NME7: variants seen among roughly 807,000 people sequenced by gnomAD.
NME7 encodes the protein NME/NM23 family member 7.
Under a neutral mutation model 49.1 loss-of-function variants are expected in NME7, and 41 were observed. The ratio of observed to expected loss-of-function variants is 0.83; its 90% CI spans 0.65 to 1.08. The LOEUF (loss-of-function observed/expected upper bound fraction) is 1.08. Among genes scored for constraint, NME7 ranks in the 50% least tolerant of loss-of-function variants. The probability of loss-of-function intolerance (pLI) is 0.00; values close to 1 mark genes in which losing one functional copy is unlikely to be tolerated. For synonymous variants in NME7, 139 were observed against 150.6 expected, an observed-to-expected ratio of 0.92 and a Z score of 0.56; for missense variants, 423 against 463.4, an observed-to-expected ratio of 0.91 and a Z score of 0.80.
At chr1:169,312,594 G>A (rs957441632) in intron 3 of NME7, among the ~76,000 whole-genome samples, 3 of 152,134 alleles carry the variant, frequency 2.0e-5, no homozygotes, top group Admixed American at 6.5e-5. Flanking sequence ...CAGCCTTCAC[G>A]AACCCAGAAT....
chr1:169,267,359 A>T, intron 7 of NME7, among the ~76,000 whole-genome samples: 1 of 133,990 alleles, frequency 7.5e-6, no homozygotes, highest in East Asian at 2.0e-4. Context: ...CAATTTACAG[A>T]TTCAATGCTA....
intron 10 of NME7, among the ~76,000 whole-genome samples, chr1:169,185,735 T>C (rs2101754747): frequency 6.6e-6 from 1 of 152,316 alleles, no homozygotes; most frequent in East Asian, 1.9e-4. Context: ...AGATCAGAAC[T>C]GTATTATTCC....
At chr1:169,274,643 A>G (rs1340677649) in intron 7 of NME7, among the ~76,000 whole-genome samples, 1 of 133,462 alleles carries the variant, frequency 7.5e-6, no homozygotes, top group Admixed American at 7.4e-5. Flanking sequence ...TAATTTTTGT[A>G]TAAGGTGTAA....
chr1:169,217,500 T>C (rs1446413490), intron 10 of NME7, among the ~76,000 whole-genome samples: 3 of 152,228 alleles, frequency 2.0e-5, no homozygotes, highest in Non-Finnish European at 4.4e-5. Flanking sequence ...GCCATCTGTT[T>C]CTCTTTGATG....
At chr1:169,291,329 C>T (rs1453980543) in intron 6 of NME7, among the ~76,000 whole-genome samples, 1 of 152,078 alleles carries the variant, frequency 6.6e-6, no homozygotes, top group Non-Finnish European at 1.5e-5. Context: ...ACTATGCAAC[C>T]ATAAAAATGG....
At chr1:169,159,275 G>A (rs996110845) in intron 11 of NME7, among the ~76,000 whole-genome samples, 10 of 152,160 alleles carry the variant, frequency 6.6e-5, no homozygotes, top group African/African-American at 2.2e-4. Context: ...AAGGCAAAAA[G>A]CACATACTAA....
chr1:169,345,392 T>C (rs142871247), intron 1 of NME7, among the ~76,000 whole-genome samples: 2,238 of 140,412 alleles, frequency 0.016, 22 homozygotes, highest in Middle Eastern at 0.024. Flanking sequence ...TCTTTTTCTG[T>C]TCTCTTTTTA....
intron 10 of NME7, among the ~76,000 whole-genome samples, chr1:169,223,522 G>A (rs4656664): frequency 0.24 from 36,551 of 151,906 alleles, 5,302 homozygotes; most frequent in Non-Finnish European, 0.33. Flanking sequence ...TTACTTAGAT[G>A]CTCAAATTGG....
intron 5 of NME7, among the ~76,000 whole-genome samples, chr1:169,300,883 AG>A (rs1179661211): frequency 1.3e-5 from 2 of 152,074 alleles, no homozygotes; most frequent in African/African-American, 4.8e-5. Context: ...TCTAGCCATA[AG>A]CAGAAGAAAG....
At position 169,323,104 on chromosome 1, in the gene NME7, A is replaced by C. The variant is rs760608277; in HGVS notation, c.278+13T>G. On this transcript the variant is annotated intron_variant, in intron 3 of 11. Coordinates refer to ENST00000367811, the MANE Select transcript of NME7 (RefSeq NM_013330.5). ...TTAGAGCATGTAAAAAGATTATATA[A>C]TTGTTTTCTTACTTTTCTTTCCTAC... 6.5e-7 allele frequency: 1 copy of C among 1,531,402 alleles called. No individual in the cohort carries two copies. Among genetic ancestry groups the C allele is most frequent in the East Asian group, 2.4e-5 (1 of 41,424 alleles). 94.9% of individuals were successfully genotyped at this position (1,531,402 alleles called of 1,614,324 possible).
chr1:169,191,046 T>G (rs1234611603), intron 10 of NME7, among the ~76,000 whole-genome samples: 1 of 64,154 alleles, frequency 1.6e-5, no homozygotes, highest in African/African-American at 4.4e-5. Context: ...TCTCCTGACC[T>G]CGTGATCCAC....
chr1:169,282,616 T>A (rs2101890354), intron 7 of NME7, among the ~76,000 whole-genome samples: 1 of 152,324 alleles, frequency 6.6e-6, no homozygotes, highest in African/African-American at 2.4e-5. Context: ...AAAGACTACT[T>A]TAAATGTGTC....
intron 10 of NME7, among the ~76,000 whole-genome samples, chr1:169,225,713 C>A (rs1454551648): frequency 1.3e-5 from 2 of 152,108 alleles, no homozygotes; most frequent in African/African-American, 4.8e-5. Context: ...TTGTCTTGTG[C>A]ACCCTCTCCT....
intron 11 of NME7, among the ~76,000 whole-genome samples, chr1:169,145,219 C>T (rs182986578): frequency 5.1e-4 from 78 of 152,250 alleles, no homozygotes; most frequent in East Asian, 1.9e-4. Context: ...TTTCAACTTG[C>T]GGTTTTTATT....
At chr1:169,282,210 T>C (rs1171707651) in intron 7 of NME7, among the ~76,000 whole-genome samples, 26 of 152,212 alleles carry the variant, frequency 1.7e-4, no homozygotes, top group Non-Finnish European at 4.4e-5. Flanking sequence ...TATCCATTTC[T>C]TCTAGATTTT....
intron 1 of NME7, among the ~76,000 whole-genome samples, chr1:169,365,696 T>C (rs1196365270): frequency 6.6e-6 from 1 of 152,232 alleles, no homozygotes; most frequent in South Asian, 2.1e-4. Context: ...GGTGAGTAAA[T>C]CAACAGGTTG....
rs1469412032 is a variant in NME7 at position 169,266,585 on chromosome 1, C to T, written c.754+20718G>A. ...CACCAAATCTATTGAACATAGTATT[C>T]GAAGTCCTGGCCAGAGCAATCAGGC... On this transcript the variant is annotated intron_variant, in intron 7 of 11. Transcript: ENST00000367811. Among the ~76,000 whole-genome samples the T allele has an allele frequency of 1.5e-5, 2 of 133,200 alleles. 1 individual carries two copies. The highest frequency in any genetic ancestry group is 4.0e-4 in the East Asian group (2 of 5,016). The allele number at this position is 133,200 out of a possible 152,430, so 87.4% of individuals were successfully genotyped here. A position where few individuals can be genotyped will look rare whatever the true frequency, so the allele number is the denominator to read the frequency against.
At chr1:169,230,582 C>A in intron 10 of NME7, 136 bp downstream of exon 10, 1 of 449,644 alleles carries the variant, frequency 2.2e-6, no homozygotes, top group East Asian at 3.5e-5. Flanking sequence ...TTATGAAGTG[C>A]CATTTTGAAT....
chr1:169,267,489 G>A (rs1483706511), intron 7 of NME7, among the ~76,000 whole-genome samples: 1 of 133,338 alleles, frequency 7.5e-6, no homozygotes, highest in African/African-American at 2.5e-5. Context: ...GATCAAAGCT[G>A]GAGGAATCAT....
Sources: gnomAD v4.1 joint callset for allele counts (sites outside exome capture counted in the v4.1 genomes callset) on GRCh38, gnomAD v4.1.1 for gene constraint, MANE v1.5 for transcripts, NCBI Gene and HGNC (gene_info 2026-07-23, HGNC 2026-07-21) for gene names.